The following XKR4 variants were observed in gnomAD, a reference collection of about 807,000 sequenced individuals.
XKR4 encodes XK-related protein 4.
In XKR4, 12 loss-of-function variants were observed where a neutral mutation model predicts 53.9. The ratio of observed to expected loss-of-function variants is 0.22; its 90% CI spans 0.14 to 0.36. The LOEUF is 0.36. XKR4 is among the 10% of genes least tolerant of loss of function. XKR4 has a pLI of 1.00. For synonymous variants in XKR4, 354 were observed against 362.4 expected, an observed-to-expected ratio of 0.98 and a Z score of 0.26; for missense variants, 799 against 859.5, an observed-to-expected ratio of 0.93 and a Z score of 0.88.
intron 1 of XKR4, among the ~76,000 whole-genome samples, chr8:55,231,788 C>T (rs563420830): frequency 6.6e-6 from 1 of 152,136 alleles, no homozygotes; most frequent in Non-Finnish European, 1.5e-5. Context: ...TGGGCAATCC[C>T]TCCTGCAGAG....
At chr8:55,447,653 C>T (rs1044037380) in intron 2 of XKR4, among the ~76,000 whole-genome samples, 6 of 152,166 alleles carry the variant, frequency 3.9e-5, no homozygotes, top group African/African-American at 1.4e-4. Context: ...GCCCTGTAGT[C>T]CTCCCTTCAC....
In XKR4 at chr8:55,408,714, A is replaced by G. The variant is rs560352634; in HGVS notation, c.1006+50837A>G. Among the ~76,000 whole-genome samples the G allele has an allele frequency of 2.2e-4, 33 of 152,318 alleles. 1 individual carries two copies. In the South Asian group the frequency reaches 6.8e-3, roughly 32 times the overall value. On this transcript the variant is annotated intron_variant, in intron 2 of 2. Coordinates refer to ENST00000327381, the MANE Select transcript of XKR4 (RefSeq NM_052898.2). ...GAAGGTAGCAGGGCCCCAGGCTCAA[A>G]GATGGAGCCACAAGCCGGGTGCGGT...
At chr8:55,400,842 G>A (rs1004663051) in intron 2 of XKR4, among the ~76,000 whole-genome samples, 2 of 152,146 alleles carry the variant, frequency 1.3e-5, no homozygotes, top group African/African-American at 2.4e-5. Flanking sequence ...CCTGTCTGCT[G>A]CCCTGTTTCT....
chr8:55,149,130 T>C (rs1816808369), intron 1 of XKR4, among the ~76,000 whole-genome samples: 1 of 152,252 alleles, frequency 6.6e-6, no homozygotes, highest in Non-Finnish European at 1.5e-5. Flanking sequence ...ACGGGCAGCA[T>C]GGCTTGGCCT....
intron 1 of XKR4, among the ~76,000 whole-genome samples, chr8:55,289,609 GAA>G (rs1491384611): frequency 1.8e-5 from 2 of 108,940 alleles, no homozygotes; most frequent in African/African-American, 7.7e-5. Flanking sequence ...AAGAAAGAAA[GAA>G]AGAAAGAAAG....
chr8:55,244,119 T>A (rs564521677), intron 1 of XKR4, among the ~76,000 whole-genome samples: 20 of 152,326 alleles, frequency 1.3e-4, no homozygotes, highest in Non-Finnish European at 2.8e-4. Context: ...GTTATACAGG[T>A]AAATTGTATG....
At chr8:55,501,132 AT>A (rs1302218529) in intron 2 of XKR4, among the ~76,000 whole-genome samples, 1 of 152,206 alleles carries the variant, frequency 6.6e-6, no homozygotes, top group African/African-American at 2.4e-5. Flanking sequence ...AAAGCAACAA[AT>A]TCAATTTTTT....
rs776324707 is a variant in XKR4, at chr8:55,102,541, C to T, written c.53C>T (p.Ala18Val). The T allele has an allele frequency of 1.3e-6, 2 of 1,550,386 alleles. No individual in the cohort carries two copies. Among genetic ancestry groups the T allele is most frequent in the Non-Finnish European group, 8.7e-7 (1 of 1,144,768 alleles). ...AAAATGAAGAAAAGCAGCGACGTGG[C>T]GTTCACCCCGCTGCAGAACTCGGAC... Reference protein sequence around the residue: ...RLKMKKSSDVAFTPLQNSDHS... With the variant: ...RLKMKKSSDVVFTPLQNSDHS... The change falls in exon 1 of 3, where the codon GCG becomes GTG. Residue 18 changes from alanine to valine, a missense_variant. Physicochemically the swap from Ala to Val is moderately conservative, Grantham distance 64. Transcript: ENST00000327381. The surrounding 1 kb of genome is among the most constrained non-coding windows in gnomAD (Gnocchi z 5.1).
At chr8:55,133,647 A>C (rs570501756) in intron 1 of XKR4, among the ~76,000 whole-genome samples, 8 of 152,354 alleles carry the variant, frequency 5.3e-5, no homozygotes, top group Non-Finnish European at 1.0e-4. Context: ...AGTAGTGTGA[A>C]TTAATATGAC....
chr8:55,188,518 A>G (rs1023247142), intron 1 of XKR4, among the ~76,000 whole-genome samples: 1 of 152,226 alleles, frequency 6.6e-6, no homozygotes, highest in East Asian at 1.9e-4. Context: ...CAGTCGTTCA[A>G]CAGCTCCTGT....
At chr8:55,317,950 A>G (rs183506736) in intron 1 of XKR4, among the ~76,000 whole-genome samples, 2 of 152,278 alleles carry the variant, frequency 1.3e-5, no homozygotes, top group Admixed American at 6.5e-5. Flanking sequence ...CACTAAGAAA[A>G]CAGATAGGAA....
chr8:55,512,157 G>A (rs1431865871), intron 2 of XKR4, among the ~76,000 whole-genome samples: 1 of 152,186 alleles, frequency 6.6e-6, no homozygotes, highest in African/African-American at 2.4e-5. Flanking sequence ...ATCCTCTAGA[G>A]CTCCACAGAA....
intron 1 of XKR4, among the ~76,000 whole-genome samples, chr8:55,198,814 G>T (rs887830136): frequency 2.0e-5 from 3 of 152,038 alleles, no homozygotes; most frequent in Non-Finnish European, 4.4e-5. Context: ...TATGACATTA[G>T]GACAAGCATA....
intron 1 of XKR4, among the ~76,000 whole-genome samples, chr8:55,255,357 A>G (rs998407550): frequency 1.3e-5 from 2 of 152,224 alleles, no homozygotes; most frequent in Non-Finnish European, 2.9e-5. Context: ...TGAATGCAGT[A>G]TTTTAAAAAT....
chr8:55,363,310 A>C (rs1803929389), intron 2 of XKR4, among the ~76,000 whole-genome samples: 1 of 152,198 alleles, frequency 6.6e-6, no homozygotes, highest in Non-Finnish European at 1.5e-5. Flanking sequence ...ATATTCTAGA[A>C]GAATATGAAA....
chr8:55,197,422 AG>A (rs752379107), intron 1 of XKR4, among the ~76,000 whole-genome samples: 40 of 152,348 alleles, frequency 2.6e-4, no homozygotes, highest in Non-Finnish European at 5.4e-4. Context: ...ATGGACAAAA[AG>A]TATTCACTTT....
intron 1 of XKR4, among the ~76,000 whole-genome samples, chr8:55,106,122 A>T (rs1416910924): frequency 1.3e-5 from 2 of 152,218 alleles, no homozygotes; most frequent in Non-Finnish European, 2.9e-5. Context: ...GATCAATAAA[A>T]TAGATTTTAG....
chr8:55,170,338 G>A (rs1585917697), intron 1 of XKR4, among the ~76,000 whole-genome samples: 1 of 152,190 alleles, frequency 6.6e-6, no homozygotes, highest in African/African-American at 2.4e-5. Flanking sequence ...ATGTAGGGGT[G>A]TGTTGTCATC....
intron 1 of XKR4, among the ~76,000 whole-genome samples, chr8:55,311,337 A>G (rs1819385108): frequency 6.6e-6 from 1 of 152,238 alleles, no homozygotes; most frequent in African/African-American, 2.4e-5. Flanking sequence ...CTGGAGTGTC[A>G]GAGAGGGGCT....
Sources: gnomAD v4.1 joint callset for allele counts (sites outside exome capture counted in the v4.1 genomes callset) on GRCh38, gnomAD v4.1.1 for gene constraint, Gnocchi (gnomAD v3.1) non-coding constraint, MANE v1.5 for transcripts, NCBI Gene and HGNC (gene_info 2026-07-23, HGNC 2026-07-21) for gene names.